Variants in DHRSX observed in about 807,000 individuals in gnomAD.
DHRSX encodes the protein polyprenol dehydrogenase.
DHRSX carries 31 observed loss-of-function variants against 34.0 expected under a neutral mutation model. The observed-to-expected ratio is 0.91, with a 90% confidence interval of 0.69 to 1.23. The LOEUF is 1.23. DHRSX is among the 50% of genes most tolerant of loss of function. The probability of loss-of-function intolerance (pLI) is 0.00; values close to 1 mark genes in which losing one functional copy is unlikely to be tolerated. For missense variants in DHRSX, 414 were observed against 428.1 expected (o/e 0.97, Z 0.29); for synonymous variants, 201 against 183.8 (o/e 1.09, Z -0.76).
At chrX:2,411,029 GGA>G in intron 2 of DHRSX, among the ~76,000 whole-genome samples, 1 of 152,072 alleles carries the variant, frequency 6.6e-6, no homozygotes, top group East Asian at 1.9e-4. Flanking sequence ...GGTTTCGACG[GGA>G]GGGAGAGGAA....
chrX:2,308,394 TCGA>T (rs2042125785), intron 3 of DHRSX, among the ~76,000 whole-genome samples: 1 of 152,064 alleles, frequency 6.6e-6, no homozygotes, highest in East Asian at 1.9e-4. Flanking sequence ...CGACAATTGT[TCGA>T]CAATTGTTTT....
chrX:2,445,259 A>G (rs1165640035), intron 1 of DHRSX, among the ~76,000 whole-genome samples: 1 of 152,166 alleles, frequency 6.6e-6, no homozygotes, highest in Non-Finnish European at 1.5e-5. Context: ...AAAAAGTTGC[A>G]TGTCAGAAAA....
intron 3 of DHRSX, among the ~76,000 whole-genome samples, chrX:2,371,753 CA>C (rs2043075497): frequency 6.7e-6 from 1 of 148,920 alleles, no homozygotes; most frequent in Non-Finnish European, 1.5e-5. Flanking sequence ...CTCCTCCTCC[CA>C]TTACAGTAGT....
intron 3 of DHRSX, among the ~76,000 whole-genome samples, chrX:2,317,740 C>G (rs1339268088): frequency 6.6e-6 from 1 of 152,122 alleles, no homozygotes; most frequent in Non-Finnish European, 1.5e-5. Context: ...GGTAGAGGAA[C>G]AGTCAATCAC....
chrX:2,409,228 G>A (rs1371704574), intron 2 of DHRSX, among the ~76,000 whole-genome samples: 4 of 152,214 alleles, frequency 2.6e-5, no homozygotes, highest in Non-Finnish European at 4.4e-5. Flanking sequence ...CACGATGCAC[G>A]TGATCACAGA....
At chrX:2,395,245 C>A (rs186362582) in intron 3 of DHRSX, among the ~76,000 whole-genome samples, 47 of 152,176 alleles carry the variant, frequency 3.1e-4, no homozygotes, top group African/African-American at 1.0e-3. Flanking sequence ...AGCTCTCCAG[C>A]CCACCTGCAC....
chrX:2,234,356 C>T (rs2015965750), intron 6 of DHRSX, among the ~76,000 whole-genome samples: 1 of 151,512 alleles, frequency 6.6e-6, no homozygotes, highest in Admixed American at 6.6e-5. Flanking sequence ...CACATGCATT[C>T]AATATTTCCC....
At chrX:2,226,984 A>C (rs1308689478) in intron 6 of DHRSX, among the ~76,000 whole-genome samples, 1 of 151,912 alleles carries the variant, frequency 6.6e-6, no homozygotes, top group African/African-American at 2.4e-5. Flanking sequence ...GGTTCGAGTC[A>C]GCCTTCCTCC....
intron 1 of DHRSX, among the ~76,000 whole-genome samples, chrX:2,440,354 G>C (rs2044047306): frequency 6.6e-6 from 1 of 151,578 alleles, no homozygotes; most frequent in African/African-American, 2.4e-5. Context: ...GTGTGCACCA[G>C]CATGGCCAGA....
At chrX:2,330,456 G>A (rs1487334185) in intron 3 of DHRSX, among the ~76,000 whole-genome samples, 1 of 151,166 alleles carries the variant, frequency 6.6e-6, no homozygotes, top group East Asian at 2.0e-4. Flanking sequence ...GGGAGGCAGA[G>A]GTTGCAGTGA....
intron 6 of DHRSX, among the ~76,000 whole-genome samples, chrX:2,239,592 T>TA (rs905070918): frequency 1.0e-4 from 15 of 148,632 alleles, no homozygotes; most frequent in South Asian, 4.2e-4. Context: ...CCGTCTCTAC[T>TA]AAAAAAAAAT....
chrX:2,298,614 A>ACACG lies in DHRSX; in HGVS notation c.287-7012_287-7011insCGTG, dbSNP rs1556457245. On this transcript the variant is annotated intron_variant, in intron 3 of 6. Coordinates refer to ENST00000334651, the MANE Select transcript of DHRSX (RefSeq NM_145177.3). ...CAGGCGCGTGTGTACACACACACAC[A>ACACG]CACACACACACACACACACACACGA... 1.2e-4 allele frequency among the ~76,000 whole-genome samples: 10 copies of ACACG among 82,952 alleles called. 1 individual carries two copies. The highest frequency in any genetic ancestry group is 4.1e-4 in the African/African-American group (10 of 24,398). 54.4% of individuals were successfully genotyped at this position (82,952 alleles called of 152,430 possible).
chrX:2,230,129 G>A (rs749984645), intron 6 of DHRSX, among the ~76,000 whole-genome samples: 2 of 152,308 alleles, frequency 1.3e-5, no homozygotes, highest in African/African-American at 4.8e-5. Context: ...TTATGCACGT[G>A]AGCATGTGTG....
chrX:2,389,531 G>T, intron 3 of DHRSX, among the ~76,000 whole-genome samples: 2 of 152,278 alleles, frequency 1.3e-5, no homozygotes, highest in East Asian at 3.9e-4. Flanking sequence ...CTGTGTGCTT[G>T]GCGTGCTGGA....
intron 1 of DHRSX, among the ~76,000 whole-genome samples, chrX:2,425,790 G>T (rs2043838218): frequency 6.6e-6 from 1 of 152,196 alleles, no homozygotes; most frequent in Non-Finnish European, 1.5e-5. Flanking sequence ...CCAAGAGGAG[G>T]GGCGTGTTGA....
chrX:2,485,384 A>G (rs17462744), intron 1 of DHRSX, among the ~76,000 whole-genome samples: 7,320 of 151,594 alleles, frequency 0.048, 232 homozygotes, highest in East Asian at 0.085. Context: ...ACAGGCAGTC[A>G]ACCAACAGCA....
chrX:2,357,304 A>G (rs2042867684), intron 3 of DHRSX, among the ~76,000 whole-genome samples: 2 of 151,982 alleles, frequency 1.3e-5, no homozygotes, highest in South Asian at 4.1e-4. Flanking sequence ...GGTGTCCCTA[A>G]CCCCCATGTT....
intron 5 of DHRSX, among the ~76,000 whole-genome samples, chrX:2,247,231 G>A (rs150492374): frequency 0.016 from 2,510 of 152,144 alleles, 67 homozygotes; most frequent in African/African-American, 0.056. Context: ...TTACAGGTGT[G>A]AGCCACTGTA....
intron 1 of DHRSX, among the ~76,000 whole-genome samples, chrX:2,478,815 C>A (rs1222146695): frequency 1.3e-5 from 2 of 151,782 alleles, no homozygotes; most frequent in Non-Finnish European, 2.9e-5. Flanking sequence ...CGGGGACCAC[C>A]ACCATGTAAG....
Sources: gnomAD v4.1 joint callset for allele counts (sites outside exome capture counted in the v4.1 genomes callset) on GRCh38, gnomAD v4.1.1 for gene constraint, MANE v1.5 for transcripts, NCBI Gene and HGNC (gene_info 2026-07-23, HGNC 2026-07-21) for gene names.